DNAH5: variants seen among roughly 807,000 people sequenced by gnomAD.
The protein encoded by DNAH5 is axonemal beta dynein heavy chain 5.
DNAH5 carries 372 observed loss-of-function variants against 518.2 expected under a neutral mutation model. That is an observed-to-expected ratio of 0.72 (90% confidence interval 0.66 to 0.78). The LOEUF (loss-of-function observed/expected upper bound fraction) is 0.78, where lower values mean the gene tolerates loss of function less well. Among genes scored for constraint, DNAH5 ranks in the 30% least tolerant of loss-of-function variants. DNAH5 has a pLI of 0.00. For synonymous variants in DNAH5, 2,039 were observed against 2,025.9 expected (o/e 1.01, Z -0.17); for missense variants, 5,523 against 5,687.0 (o/e 0.97, Z 0.93).
intron 41 of DNAH5, among the ~76,000 whole-genome samples, 156 bp from the exon 42 acceptor site, chr5:13,817,850 C>G (rs1189833793): frequency 1.3e-5 from 2 of 152,154 alleles, no homozygotes; most frequent in African/African-American, 4.8e-5. Flanking sequence ...TTCTAAGTTA[C>G]CATAATTAGC....
At chr5:13,982,626 G>T (rs1469822081) in intron 1 of DNAH5, among the ~76,000 whole-genome samples, 1 of 150,912 alleles carries the variant, frequency 6.6e-6, no homozygotes, top group African/African-American at 2.5e-5. Flanking sequence ...GTAGACATAT[G>T]CACTATTGCA....
chr5:13,829,394 G>T, intron 38 of DNAH5, 116 bp downstream of exon 38: 1 of 984,310 alleles, frequency 1.0e-6, no homozygotes, highest in Non-Finnish European at 1.6e-6. Context: ...TTTCTACTCA[G>T]TGTCAATAAA....
chr5:13,985,430 AATATATATATATATAT>A lies in DNAH5; in HGVS notation c.12+26202_12+26217del, dbSNP rs145568740. Among the ~76,000 whole-genome samples the A allele has an allele frequency of 4.9e-4, 63 of 127,346 alleles. 1 individual carries two copies. The highest frequency in any genetic ancestry group is 1.4e-3 in the African/African-American group (49 of 34,952). 83.5% of individuals were successfully genotyped at this position (127,346 alleles called of 152,430 possible). On this transcript the variant is annotated intron_variant, in intron 1 of 78. Transcript: ENST00000681290. ...TACCCTAGAACTTAAAGTATAATAA[AATATATATATATATAT>A]ATATATATATATATATATATAAAGC...
Position 13,867,994 on chromosome 5 carries a change from T to TA in DNAH5, c.3835-3dup, listed in dbSNP as rs35398031. 2.4e-4 allele frequency: 390 copies of TA among 1,599,388 alleles called. No individual in the cohort carries two copies. Among genetic ancestry groups the TA allele is most frequent in the African/African-American group, 1.3e-3 (94 of 74,348 alleles). ...TCTGTTAAGCAGGGCATAAGATTCC[T>TA]AAAAAAAAATAGGAAAAACTTAATT... On this transcript the variant is annotated splice_polypyrimidine_tract_variant and splice_region_variant and intron_variant, in intron 24 of 78. Transcript: ENST00000265104.
chr5:13,832,184 C>CA (rs1287122783), intron 35 of DNAH5, among the ~76,000 whole-genome samples: 1 of 152,036 alleles, frequency 6.6e-6, no homozygotes, highest in Non-Finnish European at 1.5e-5. Flanking sequence ...ATACCAAACA[C>CA]AAAAAAGGGA....
chr5:13,979,421 G>A (rs1782510087), intron 1 of DNAH5, among the ~76,000 whole-genome samples: 1 of 151,906 alleles, frequency 6.6e-6, no homozygotes, highest in Non-Finnish European at 1.5e-5. Context: ...AGCTTCCCCA[G>A]CACATGGATT....
Position 13,810,265 on chromosome 5 carries a change from G to A in DNAH5, c.7408-5C>T, listed in dbSNP as rs1382889157. 6.5e-7 allele frequency: 1 copy of A among 1,549,918 alleles called. No individual in the cohort carries two copies. Among genetic ancestry groups the A allele is most frequent in the Non-Finnish European group, 8.7e-7 (1 of 1,146,502 alleles). ...GCTCACCTCCCCGCCTTGCTCCTGA[G>A]AAGGAAAGACACTTTTTTTTAATAA... On this transcript the variant is annotated splice_polypyrimidine_tract_variant and splice_region_variant and intron_variant, in intron 44 of 78. Coordinates refer to ENST00000265104, the MANE Select transcript of DNAH5 (RefSeq NM_001369.3).
Position 13,810,231 on chromosome 5 carries a change from G to C in DNAH5, c.7437C>G (p.His2479Gln). 6.4e-7 allele frequency: 1 copy of C among 1,550,694 alleles called. No individual in the cohort carries two copies. The highest frequency in any genetic ancestry group is 8.7e-7 in the Non-Finnish European group (1 of 1,146,972). Residue 2479 changes from histidine (H) to glutamine (Q), a missense_variant, in exon 45 of 79, where the codon CAC becomes CAG. Around this residue, in one of 3 missense-constraint regions of DNAH5, gnomAD observed 5,121 missense variants for 5,223.3 expected, o/e 0.98. Transcript: ENST00000265104. ...GCGCGAACACGAACAGCCGCCCCAG[G>C]TGAGCCTGGCTCACCTCCCCGCCTT... ...KEQGGEVSQAHLGRLFVFALL... is the reference protein window; with the variant it reads ...KEQGGEVSQAQLGRLFVFALL...
intron 1 of DNAH5, among the ~76,000 whole-genome samples, chr5:14,006,240 A>C (rs1397803329): frequency 6.6e-6 from 1 of 152,068 alleles, no homozygotes; most frequent in Non-Finnish European, 1.5e-5. Flanking sequence ...TTGAGCCTCA[A>C]TTTTCCCACC....
At chr5:13,891,947 C>A (rs887817404) in intron 16 of DNAH5, among the ~76,000 whole-genome samples, 1 of 152,128 alleles carries the variant, frequency 6.6e-6, no homozygotes, top group Admixed American at 6.5e-5. Context: ...AGATACCATA[C>A]AGTAAAATTT....
chr5:13,731,328 T>C (rs992435201), intron 68 of DNAH5, among the ~76,000 whole-genome samples: 7 of 152,338 alleles, frequency 4.6e-5, no homozygotes, highest in African/African-American at 1.7e-4. Flanking sequence ...TTAGCAACTG[T>C]CCATTTTCCA....
chr5:13,930,120 C>T (rs566232110), intron 2 of DNAH5, among the ~76,000 whole-genome samples: 1 of 152,238 alleles, frequency 6.6e-6, no homozygotes, highest in South Asian at 2.1e-4. Context: ...CTGTAGTTTA[C>T]CCATTTTCGT....
At chr5:13,837,379 A>G (rs6861633) in intron 35 of DNAH5, among the ~76,000 whole-genome samples, 63,618 of 151,866 alleles carry the variant, frequency 0.42, 13,777 homozygotes, top group East Asian at 0.6. Flanking sequence ...ATCTCAGCAT[A>G]TTTGTGTGTT....
intron 30 of DNAH5, among the ~76,000 whole-genome samples, chr5:13,858,019 A>G (rs925809606): frequency 3.3e-5 from 5 of 152,204 alleles, no homozygotes; most frequent in Admixed American, 2.6e-4. Flanking sequence ...GTGATTCCTC[A>G]AGGAGCTAGA....
At chr5:13,723,389 A>T (rs1035526403) in intron 70 of DNAH5, among the ~76,000 whole-genome samples, 3 of 152,216 alleles carry the variant, frequency 2.0e-5, no homozygotes, top group Admixed American at 6.5e-5. Context: ...ATGTTCCGCC[A>T]TCACTGCATC....
intron 16 of DNAH5, among the ~76,000 whole-genome samples, chr5:13,894,401 T>C (rs918397631): frequency 1.3e-5 from 2 of 152,198 alleles, no homozygotes; most frequent in Non-Finnish European, 2.9e-5. Flanking sequence ...CTTTAAATCC[T>C]AATGTCCAAA....
At chr5:13,797,428 A>G (rs1457241268) in intron 47 of DNAH5, among the ~76,000 whole-genome samples, 3 of 152,174 alleles carry the variant, frequency 2.0e-5, no homozygotes, top group East Asian at 1.9e-4. Context: ...GAAGACATCT[A>G]TGCAGCCAAC....
intron 1 of DNAH5, among the ~76,000 whole-genome samples, chr5:13,973,370 T>A (rs1367047847): frequency 6.6e-6 from 1 of 152,218 alleles, no homozygotes; most frequent in Non-Finnish European, 1.5e-5. Context: ...CTGCTTTAGG[T>A]CACCAAGTTT....
intron 47 of DNAH5, among the ~76,000 whole-genome samples, chr5:13,802,976 T>TATA (rs146618025): frequency 9.5e-6 from 1 of 105,530 alleles, no homozygotes; most frequent in Non-Finnish European, 2.2e-5. Context: ...GCATTAATGA[T>TATA]ATAATATATA....
Sources: allele counts gnomAD v4.1 joint callset (sites outside exome capture counted in the v4.1 genomes callset), GRCh38; gene constraint gnomAD v4.1.1; regional missense constraint gnomAD v4.1.1; transcripts MANE v1.5; gene names NCBI Gene and HGNC (gene_info 2026-07-23, HGNC 2026-07-21).